The following RAI1 variants were observed in gnomAD, a reference collection of about 807,000 sequenced individuals.
RAI1 encodes the protein retinoic acid-induced protein 1.
In RAI1, 9 loss-of-function variants were observed where a neutral mutation model predicts 123.8. The observed-to-expected ratio is 0.07, with a 90% CI of 0.04 to 0.13. The LOEUF (loss-of-function observed/expected upper bound fraction) is 0.13. Ranked by LOEUF, RAI1 falls within the 10% of genes least tolerant of loss-of-function variation. The probability of loss-of-function intolerance (pLI) is 1.00; values close to 1 mark genes in which losing one functional copy is unlikely to be tolerated. For missense variants in RAI1, 2,256 were observed against 2,545.8 expected (o/e 0.89, Z 2.45); for synonymous variants, 1,231 against 1,127.3 (o/e 1.09, Z -1.84).
At chr17:17,700,796 A>C (rs1915196214) in intron 1 of RAI1, among the ~76,000 whole-genome samples, 1 of 149,794 alleles carries the variant, frequency 6.7e-6, no homozygotes. Flanking sequence ...CCCGGCGTTC[A>C]ACCGCGCCGG....
chr17:17,808,396 TTTATTTTATTTTATTTTA>T (rs1450505387), intron 4 of RAI1, among the ~76,000 whole-genome samples: 11 of 98,672 alleles, frequency 1.1e-4, no homozygotes, highest in Non-Finnish European at 7.0e-5. Flanking sequence ...ATTATTTTAT[TTTATTTTATTTTATTTTA>T]TTATTTTATT....
At chr17:17,710,856 G>A (rs2142904785) in intron 1 of RAI1, among the ~76,000 whole-genome samples, 1 of 152,336 alleles carries the variant, frequency 6.6e-6, no homozygotes, top group Non-Finnish European at 1.5e-5. Context: ...CTTGCCCAAG[G>A]TCACACAGCA....
chr17:17,702,876 C>G (rs1435882252), intron 1 of RAI1, among the ~76,000 whole-genome samples: 1 of 152,222 alleles, frequency 6.6e-6, no homozygotes, highest in Non-Finnish European at 1.5e-5. Context: ...AATTAAGCCT[C>G]AAACCCAGGG....
chr17:17,694,873 C>G (rs1165394968), intron 1 of RAI1, among the ~76,000 whole-genome samples: 4 of 151,906 alleles, frequency 2.6e-5, no homozygotes. Flanking sequence ...GATCCCGGGT[C>G]TTTTTCCGGG....
rs774675443 is a variant in RAI1 at position 17,793,515 on chromosome 17, A to C, written c.567A>C (p.Gln189His). ...PQQPLAYPKL[Q>H]RQKLQNDIAS... ...AGCCCCTGGCATACCCCAAGCTCCAAAGGCAGAAGCTGCAGAACGACATTG... is the reference window on the plus strand; with the variant it reads ...AGCCCCTGGCATACCCCAAGCTCCACAGGCAGAAGCTGCAGAACGACATTG... Residue 189 changes from glutamine (Q) to histidine (H), a missense_variant, in exon 3 of 6, where the codon CAA becomes CAC. Physicochemically the swap from Gln to His is conservative, Grantham distance 24. This residue lies in a region of RAI1 where 336 missense variants were observed against 349.8 expected (regional missense o/e 0.96). Coordinates refer to ENST00000353383, the MANE Select transcript of RAI1 (RefSeq NM_030665.4). The C allele has an allele frequency of 1.9e-6, 3 of 1,613,948 alleles. No homozygotes were observed. In the South Asian group the frequency reaches 3.3e-5, roughly 18 times the overall value.
At chr17:17,700,625 G>T (rs1307480397) in intron 1 of RAI1, among the ~76,000 whole-genome samples, 1 of 152,184 alleles carries the variant, frequency 6.6e-6, no homozygotes. Context: ...ACGCCCGGCG[G>T]GGAGGGGAGG....
intron 1 of RAI1, among the ~76,000 whole-genome samples, chr17:17,708,941 G>A (rs1469168920): frequency 6.6e-6 from 1 of 152,212 alleles, no homozygotes; most frequent in Non-Finnish European, 1.5e-5. Context: ...CCTGCTCCAG[G>A]CACAAAGGGA....
intron 1 of RAI1, among the ~76,000 whole-genome samples, chr17:17,721,129 G>A (rs1915868520): frequency 1.3e-5 from 2 of 152,120 alleles, no homozygotes; most frequent in Non-Finnish European, 2.9e-5. Context: ...GACCTCAGGT[G>A]AGTCTTCCGA....
In RAI1 at chr17:17,714,620, G is replaced by A. The variant is rs1304828715; in HGVS notation, c.-148-9408G>A. On this transcript the variant is annotated intron_variant, in intron 1 of 5. Transcript: ENST00000353383. This position sits in a 1 kb window ranked among gnomAD's most constrained non-coding sequence, Gnocchi z 4.9. ...CCATTTTAAAGGTGAAAAACCTGAGGCTCAGAAACGTAACGGGAAGCAGCT... is the reference window on the plus strand; with the variant it reads ...CCATTTTAAAGGTGAAAAACCTGAGACTCAGAAACGTAACGGGAAGCAGCT... 1.3e-5 allele frequency among the ~76,000 whole-genome samples: 2 copies of A among 152,158 alleles called. No individual in the cohort carries two copies. Among genetic ancestry groups the A allele is most frequent in the Non-Finnish European group, 2.9e-5 (2 of 68,028 alleles).
intron 2 of RAI1, among the ~76,000 whole-genome samples, chr17:17,772,948 G>A (rs528774055): frequency 1.2e-4 from 19 of 152,112 alleles, no homozygotes; most frequent in Admixed American, 9.2e-4. Context: ...TAGAAAGAAG[G>A]TAGGCTGGTG....
intron 1 of RAI1, among the ~76,000 whole-genome samples, chr17:17,706,429 G>C (rs1462038233): frequency 6.6e-6 from 1 of 152,210 alleles, no homozygotes; most frequent in Non-Finnish European, 1.5e-5. Flanking sequence ...CTGCTGAAGG[G>C]AGGAAGACCA....
intron 2 of RAI1, among the ~76,000 whole-genome samples, chr17:17,727,447 C>CGAAG (rs1916132325): frequency 6.6e-6 from 1 of 152,216 alleles, no homozygotes; most frequent in African/African-American, 2.4e-5. Context: ...GACTGAGACC[C>CGAAG]CAAGCTTACC....
At chr17:17,759,824 A>C (rs1436079822) in intron 2 of RAI1, among the ~76,000 whole-genome samples, 1 of 152,146 alleles carries the variant, frequency 6.6e-6, no homozygotes, top group East Asian at 1.9e-4. Flanking sequence ...AAGAAGTGGA[A>C]GCTGTGTCCG....
chr17:17,755,898 C>T (rs1373348263), intron 2 of RAI1, among the ~76,000 whole-genome samples: 1 of 152,240 alleles, frequency 6.6e-6, no homozygotes, highest in South Asian at 2.1e-4. Flanking sequence ...ATCACCCTTC[C>T]CTATCCCCAA....
chr17:17,720,515 A>C (rs1915846477), intron 1 of RAI1, among the ~76,000 whole-genome samples: 1 of 152,190 alleles, frequency 6.6e-6, no homozygotes, highest in Non-Finnish European at 1.5e-5. Context: ...CCATGATCCC[A>C]TGGAATCCTG....
chr17:17,791,011 TGGG>T (rs2031993390), intron 2 of RAI1, among the ~76,000 whole-genome samples: 1 of 152,152 alleles, frequency 6.6e-6, no homozygotes, highest in South Asian at 2.1e-4. Flanking sequence ...AGGATTGAAG[TGGG>T]TCAGAAGGGT....
At position 17,797,307 on chromosome 17, in the gene RAI1, A is replaced by G; in HGVS notation, c.4359A>G (p.Ala1453=). The G allele has an allele frequency of 3.1e-6, 5 of 1,612,606 alleles. No individual in the cohort carries two copies. Among genetic ancestry groups the G allele is most frequent in the Non-Finnish European group, 4.2e-6 (5 of 1,179,902 alleles). Reference sequence around the variant, plus strand: ...AGAAGAGGAGCCGGAAAGGCCGGGCAGGGGCCCATGGACTCTCCAAAGGCC... The same window carrying G: ...AGAAGAGGAGCCGGAAAGGCCGGGCGGGGGCCCATGGACTCTCCAAAGGCC... ...APKKRSRKGR[A]GAHGLSKGPL... is the part of the protein sequence containing the mutation. The change falls in exon 3 of 6, where the codon GCA becomes GCG. Residue 1453 remains alanine, a synonymous_variant. Transcript: ENST00000353383.
intron 2 of RAI1, among the ~76,000 whole-genome samples, chr17:17,760,937 C>A (rs1184739076): frequency 1.3e-5 from 2 of 152,192 alleles, no homozygotes; most frequent in African/African-American, 4.8e-5. Flanking sequence ...AGGAGGGAAG[C>A]CCCGCAGATT....
intron 2 of RAI1, among the ~76,000 whole-genome samples, chr17:17,787,733 G>A (rs1014380678): frequency 1.3e-4 from 20 of 152,320 alleles, no homozygotes; most frequent in African/African-American, 1.9e-4. Flanking sequence ...GGAGAGCAGG[G>A]CACAGCTTTA....
Sources: allele counts gnomAD v4.1 joint callset (sites outside exome capture counted in the v4.1 genomes callset), GRCh38; gene constraint gnomAD v4.1.1; regional missense constraint gnomAD v4.1.1; non-coding constraint Gnocchi (gnomAD v3.1); transcripts MANE v1.5; gene names NCBI Gene and HGNC (gene_info 2026-07-23, HGNC 2026-07-21).